The following SLC22A3 variants were observed in gnomAD, a reference collection of about 807,000 sequenced individuals.
SLC22A3 encodes the protein EMT organic cation transporter 3.
Under a neutral mutation model 59.1 loss-of-function variants are expected in SLC22A3, and 51 were observed. That is an observed-to-expected ratio of 0.86 (90% CI 0.69 to 1.09). The LOEUF (loss-of-function observed/expected upper bound fraction) is 1.09, where lower values mean the gene tolerates loss of function less well. Among genes scored for constraint, SLC22A3 ranks in the 50% least tolerant of loss-of-function variants. The probability of loss-of-function intolerance (pLI) is 0.00; values close to 1 mark genes in which losing one functional copy is unlikely to be tolerated. For synonymous variants in SLC22A3, 325 were observed against 292.0 expected (o/e 1.11, Z -1.15); for missense variants, 711 against 726.3 (o/e 0.98, Z 0.24).
chr6:160,441,173 G>A (rs1788522792), intron 7 of SLC22A3, among the ~76,000 whole-genome samples: 2 of 152,176 alleles, frequency 1.3e-5, no homozygotes, highest in Middle Eastern at 6.8e-3. Flanking sequence ...CTGCAGCCCG[G>A]GAGTGGCAGG....
chr6:160,426,354 G>T, intron 5 of SLC22A3: 1 of 985,360 alleles, frequency 1.0e-6, no homozygotes, highest in Non-Finnish European at 1.2e-6. Context: ...TTTGAGGGGT[G>T]CAGAGTTGGG....
At chr6:160,380,657 G>T (rs2114794251) in intron 1 of SLC22A3, among the ~76,000 whole-genome samples, 1 of 152,248 alleles carries the variant, frequency 6.6e-6, no homozygotes, top group South Asian at 2.1e-4. Flanking sequence ...TTTCTATAGA[G>T]TCACTATGCT....
At chr6:160,418,608 G>C (rs1349503991) in intron 5 of SLC22A3, among the ~76,000 whole-genome samples, 1 of 152,182 alleles carries the variant, frequency 6.6e-6, no homozygotes, top group Non-Finnish European at 1.5e-5. Context: ...AGCAGCCACT[G>C]TCACTGTACT....
At chr6:160,367,271 G>T (rs959245760) in intron 1 of SLC22A3, among the ~76,000 whole-genome samples, 1 of 152,122 alleles carries the variant, frequency 6.6e-6, no homozygotes, top group Admixed American at 6.5e-5. Context: ...AGGGGGAAAA[G>T]CTCCTTAGAA....
intron 1 of SLC22A3, among the ~76,000 whole-genome samples, chr6:160,393,337 G>T (rs192934907): frequency 6.6e-6 from 1 of 151,144 alleles, no homozygotes; most frequent in East Asian, 1.9e-4. Context: ...TGTGCACAAC[G>T]TGCAGGTTTG....
chr6:160,356,895 G>A (rs1437153502), intron 1 of SLC22A3, among the ~76,000 whole-genome samples: 3 of 152,142 alleles, frequency 2.0e-5, no homozygotes, highest in Admixed American at 6.5e-5. Flanking sequence ...ATTTCTCTTC[G>A]TGTTGGTAAT....
chr6:160,387,593 G>C lies in SLC22A3; in HGVS notation c.430-10386G>C, dbSNP rs544479876. On this transcript the variant is annotated intron_variant, in intron 1 of 10. Transcript: ENST00000275300. The stretch of plus-strand genomic sequence containing the variant: ...TATCCGAGACATTATACTAATGTAT[G>C]ATGGTCTCCACTCATGTTTTTGGAG... Among the ~76,000 whole-genome samples the C allele has an allele frequency of 1.6e-4, 24 of 152,298 alleles. No homozygotes were observed. The South Asian group carries it at 4.8e-3, about 30-fold the overall frequency.
intron 10 of SLC22A3, among the ~76,000 whole-genome samples, chr6:160,448,440 T>C (rs1402512435): frequency 6.6e-6 from 1 of 151,970 alleles, no homozygotes; most frequent in Non-Finnish European, 1.5e-5. Flanking sequence ...TGATAAATAA[T>C]AGATGATAGA....
chr6:160,445,300 C>A (rs1481598590), intron 9 of SLC22A3, among the ~76,000 whole-genome samples: 1 of 152,176 alleles, frequency 6.6e-6, no homozygotes. Flanking sequence ...GAGGATGCCG[C>A]ATCCTCAAGC....
intron 5 of SLC22A3, among the ~76,000 whole-genome samples, chr6:160,417,703 ATGT>A (rs1787557895): frequency 6.6e-6 from 1 of 152,024 alleles, no homozygotes; most frequent in Non-Finnish European, 1.5e-5. Flanking sequence ...CTGCCCTTTG[ATGT>A]TGGGGTTGAC....
chr6:160,398,115 C>T (rs1468286881), intron 2 of SLC22A3, 33 bp downstream of exon 2: 1 of 1,420,334 alleles, frequency 7.0e-7, no homozygotes. Flanking sequence ...TTTTATGTCA[C>T]TATAATACCA....
At chr6:160,412,419 G>T (rs1787293807) in intron 5 of SLC22A3, among the ~76,000 whole-genome samples, 1 of 152,080 alleles carries the variant, frequency 6.6e-6, no homozygotes, top group Non-Finnish European at 1.5e-5. Flanking sequence ...TTGAAGCTTG[G>T]TCATGTATAT....
chr6:160,406,988 T>C lies in SLC22A3; in HGVS notation c.534-53T>C, dbSNP rs892985590. ...TAATATTTTATGTTATATTTTCCCA[T>C]TGTGTTGAAGAAAATGTTTAAGGTG... On this transcript the variant is annotated intron_variant, in intron 2 of 10. Coordinates refer to ENST00000275300, the MANE Select transcript of SLC22A3 (RefSeq NM_021977.4). 2.5e-6 allele frequency: 4 copies of C among 1,585,424 alleles called. No homozygotes were observed. In the African/African-American group the frequency reaches 4.0e-5, roughly 16 times the overall value.
chr6:160,443,128 A>C (rs1188963229), intron 8 of SLC22A3, among the ~76,000 whole-genome samples: 2 of 152,212 alleles, frequency 1.3e-5, no homozygotes, highest in African/African-American at 4.8e-5. Context: ...CTTAACTTGA[A>C]ACCAGAAGAC....
chr6:160,383,853 T>C (rs908810689), intron 1 of SLC22A3, among the ~76,000 whole-genome samples: 22 of 152,346 alleles, frequency 1.4e-4, no homozygotes, highest in African/African-American at 5.0e-4. Flanking sequence ...CATAGCTATG[T>C]TGTATTAGGT....
chr6:160,376,022 C>A (rs1271768234), intron 1 of SLC22A3, among the ~76,000 whole-genome samples: 1 of 152,006 alleles, frequency 6.6e-6, no homozygotes, highest in African/African-American at 2.4e-5. Context: ...AGAAACTAAT[C>A]TAAAGCCTGG....
chr6:160,358,338 A>G (rs896729774), intron 1 of SLC22A3, among the ~76,000 whole-genome samples: 6 of 152,186 alleles, frequency 3.9e-5, no homozygotes, highest in Admixed American at 1.3e-4. Flanking sequence ...GAGATATGTA[A>G]GTAGCTGGTG....
At chr6:160,386,508 C>G (rs1040244039) in intron 1 of SLC22A3, among the ~76,000 whole-genome samples, 2 of 152,190 alleles carry the variant, frequency 1.3e-5, no homozygotes, top group African/African-American at 4.8e-5. Flanking sequence ...CTGGATTTCT[C>G]AGAAAACACA....
intron 5 of SLC22A3, among the ~76,000 whole-genome samples, chr6:160,436,360 T>C (rs1788334266): frequency 6.6e-6 from 1 of 152,208 alleles, no homozygotes; most frequent in Admixed American, 6.5e-5. Context: ...AGCAAAATAA[T>C]ACCTTTGGTG....
Sources: allele counts gnomAD v4.1 joint callset (sites outside exome capture counted in the v4.1 genomes callset), GRCh38; gene constraint gnomAD v4.1.1; transcripts MANE v1.5; gene names NCBI Gene and HGNC (gene_info 2026-07-23, HGNC 2026-07-21).